The following PIP5K1B variants were observed in gnomAD, a reference collection of about 807,000 sequenced individuals.
The protein encoded by PIP5K1B is phosphatidylinositol 4-phosphate 5-kinase type-1 beta.
Under a neutral mutation model 67.0 loss-of-function variants are expected in PIP5K1B, and 42 were observed. That is an observed-to-expected ratio of 0.63 (90% CI 0.49 to 0.81). The LOEUF (loss-of-function observed/expected upper bound fraction) is 0.81. Ranked by LOEUF, PIP5K1B falls within the 30% of genes least tolerant of loss-of-function variation. PIP5K1B has a pLI of 0.00. For missense variants in PIP5K1B, 459 were observed against 646.3 expected (o/e 0.71, Z 3.14); for synonymous variants, 214 against 231.4 (o/e 0.92, Z 0.68).
chr9:68,868,707 T>G (rs373852971), intron 5 of PIP5K1B, among the ~76,000 whole-genome samples: 2 of 152,242 alleles, frequency 1.3e-5, no homozygotes, highest in African/African-American at 4.8e-5. Context: ...ATCACTACCT[T>G]ACCTGGAGGT....
At chr9:68,788,064 C>G (rs895259305) in intron 2 of PIP5K1B, among the ~76,000 whole-genome samples, 4 of 152,220 alleles carry the variant, frequency 2.6e-5, no homozygotes, top group Admixed American at 1.3e-4. Context: ...ACACAAGCAT[C>G]AAGCATCTCT....
intron 4 of PIP5K1B, among the ~76,000 whole-genome samples, chr9:68,840,489 T>G (rs1458766329): frequency 6.6e-6 from 1 of 152,270 alleles, no homozygotes; most frequent in East Asian, 1.9e-4. Flanking sequence ...TATGTTATAG[T>G]TCTGTAGAAC....
chr9:68,780,671 A>G, intron 2 of PIP5K1B: 1 of 1,614,136 alleles, frequency 6.2e-7, no homozygotes, highest in Non-Finnish European at 8.5e-7. Flanking sequence ...GTAGCAACGG[A>G]TTGCCTCCAA....
intron 4 of PIP5K1B, among the ~76,000 whole-genome samples, chr9:68,858,570 A>C (rs1822902477): frequency 6.6e-6 from 1 of 152,182 alleles, no homozygotes; most frequent in Non-Finnish European, 1.5e-5. Flanking sequence ...GACAGGGAGT[A>C]ATATTCTAAG....
chr9:68,873,357 G>A (rs778323634), intron 5 of PIP5K1B, among the ~76,000 whole-genome samples: 1 of 144,028 alleles, frequency 6.9e-6, no homozygotes, highest in South Asian at 2.2e-4. Context: ...GCGCGACCTC[G>A]GCTCACTGCA....
intron 1 of PIP5K1B, among the ~76,000 whole-genome samples, chr9:68,714,406 A>G (rs964260928): frequency 3.3e-5 from 5 of 152,170 alleles, no homozygotes; most frequent in African/African-American, 7.2e-5. Flanking sequence ...TTCCCATTCC[A>G]TCTGCTTCTC....
At chr9:68,932,969 G>A (rs927256780) in intron 12 of PIP5K1B, among the ~76,000 whole-genome samples, 8 of 151,946 alleles carry the variant, frequency 5.3e-5, no homozygotes, top group South Asian at 4.1e-4. Flanking sequence ...GCATGGTGGC[G>A]CATGCCTGTA....
chr9:68,921,003 A>G (rs1227754069), intron 11 of PIP5K1B, among the ~76,000 whole-genome samples: 1 of 152,184 alleles, frequency 6.6e-6, no homozygotes, highest in Non-Finnish European at 1.5e-5. Flanking sequence ...TAAATTATAG[A>G]TGATCTTCTT....
intron 6 of PIP5K1B, among the ~76,000 whole-genome samples, chr9:68,881,127 G>A (rs1378280502): frequency 6.6e-6 from 1 of 152,176 alleles, no homozygotes; most frequent in Non-Finnish European, 1.5e-5. Context: ...AGACCAAACA[G>A]TGGTCTCCCC....
chr9:68,904,166 C>G (rs1023438244), intron 8 of PIP5K1B, among the ~76,000 whole-genome samples: 17 of 152,238 alleles, frequency 1.1e-4, no homozygotes, highest in African/African-American at 4.1e-4. Flanking sequence ...CCAGGTCTCT[C>G]TGACTCCAAA....
At chr9:68,800,017 C>T (rs191266152) in intron 2 of PIP5K1B, among the ~76,000 whole-genome samples, 54 of 152,150 alleles carry the variant, frequency 3.5e-4, no homozygotes, top group African/African-American at 1.2e-3. Flanking sequence ...ATATAGGGAA[C>T]CCCTACAACC....
At chr9:69,007,312 G>T (rs1286737903) in intron 15 of PIP5K1B, among the ~76,000 whole-genome samples, 1 of 152,094 alleles carries the variant, frequency 6.6e-6, no homozygotes, top group Non-Finnish European at 1.5e-5. Flanking sequence ...GTGCTGAGCT[G>T]CACCAGTCTC....
At chr9:68,780,087 C>CATTAAAAAA in intron 2 of PIP5K1B, 2 of 1,411,338 alleles carry the variant, frequency 1.4e-6, no homozygotes, top group South Asian at 1.7e-5. Context: ...GCGGCGGCAG[C>CATTAAAAAA]GGCGGCGGCC....
At chr9:68,828,173 C>T (rs1032153900) in intron 4 of PIP5K1B, among the ~76,000 whole-genome samples, 2 of 152,212 alleles carry the variant, frequency 1.3e-5, no homozygotes, top group Non-Finnish European at 2.9e-5. Context: ...CCTCTTCACC[C>T]TGAGGTTGTC....
chr9:68,780,407 C>T (rs1273592635), intron 2 of PIP5K1B: 6 of 1,613,812 alleles, frequency 3.7e-6, no homozygotes, highest in Non-Finnish European at 2.5e-6. Flanking sequence ...TCCGCATGCA[C>T]AGCAGCCGCT....
intron 15 of PIP5K1B, among the ~76,000 whole-genome samples, chr9:69,003,538 T>G (rs1255913940): frequency 1.3e-5 from 2 of 151,736 alleles, no homozygotes; most frequent in Non-Finnish European, 2.9e-5. Context: ...CTCACAGGAC[T>G]TGTCAGTGCT....
Position 69,008,577 on chromosome 9 carries a change from C to A in PIP5K1B, c.*128C>A. The A allele has an allele frequency of 1.1e-6, 1 of 906,804 alleles. No individual in the cohort carries two copies. The highest frequency in any genetic ancestry group is 1.8e-6 in the Non-Finnish European group (1 of 543,996). 56.2% of individuals were successfully genotyped at this position (906,804 alleles called of 1,614,324 possible). The stretch of plus-strand genomic sequence containing the variant: ...CACTACACACAGAGAAATCATCAAC[C>A]TGACTTAAGAGTTTTCAAGATGTCA... On this transcript the variant is annotated 3_prime_UTR_variant, in exon 16 of 16. Coordinates refer to ENST00000265382, the MANE Select transcript of PIP5K1B (RefSeq NM_003558.4).
intron 11 of PIP5K1B, among the ~76,000 whole-genome samples, chr9:68,921,942 A>G (rs536769965): frequency 3.5e-4 from 54 of 152,224 alleles, no homozygotes; most frequent in Non-Finnish European, 4.3e-4. Context: ...ATATATCATG[A>G]ACCTATTTTT....
chr9:68,816,227 C>A (rs1833439080), intron 2 of PIP5K1B, among the ~76,000 whole-genome samples: 1 of 152,136 alleles, frequency 6.6e-6, no homozygotes, highest in South Asian at 2.1e-4. Context: ...CTCCCAGGTT[C>A]AAGCAATTCT....
Sources: allele counts gnomAD v4.1 joint callset (sites outside exome capture counted in the v4.1 genomes callset), GRCh38; gene constraint gnomAD v4.1.1; transcripts MANE v1.5; gene names NCBI Gene and HGNC (gene_info 2026-07-23, HGNC 2026-07-21).